Variants in APOL6 observed in about 807,000 individuals in gnomAD.
APOL6 encodes the protein apolipoprotein L6.
Under a neutral mutation model 2.4 loss-of-function variants are expected in APOL6, and 1 was observed. The ratio of observed to expected loss-of-function variants is 0.41; its 90% CI spans 0.15 to 1.94. The LOEUF (loss-of-function observed/expected upper bound fraction) is 1.94, where lower values mean the gene tolerates loss of function less well. APOL6 is among the 30% of genes most tolerant of loss of function. The probability of loss-of-function intolerance (pLI) is 0.30; values close to 1 mark genes in which losing one functional copy is unlikely to be tolerated. For synonymous variants in APOL6, 189 were observed against 169.3 expected (o/e 1.12, Z -0.90); for missense variants, 438 against 429.2 (o/e 1.02, Z -0.18).
rs150696717 is a variant in APOL6 at position 35,649,245 on chromosome 22, G to A, written c.-48+622G>A. Among the ~76,000 whole-genome samples the A allele has an allele frequency of 3.0e-4, 45 of 152,188 alleles. No individual in the cohort carries two copies. The Middle Eastern group carries it at 0.02, about 69-fold the overall frequency. ...GAGCCCAAGAGTTTGAGACCAGCAT[G>A]GGCAACATAGTGAGACCCCGTCTCT... On this transcript the variant is annotated intron_variant, in intron 1 of 2. Coordinates refer to ENST00000409652, the MANE Select transcript of APOL6 (RefSeq NM_030641.4).
chr22:35,650,984 T>C (rs1924674682), intron 1 of APOL6, among the ~76,000 whole-genome samples: 1 of 151,480 alleles, frequency 6.6e-6, no homozygotes, highest in Non-Finnish European at 1.5e-5. Flanking sequence ...CTTCAGAGTG[T>C]GTGAGGGAGG....
intron 1 of APOL6, among the ~76,000 whole-genome samples, chr22:35,651,581 C>T (rs111723393): frequency 5.3e-5 from 8 of 151,844 alleles, no homozygotes; most frequent in African/African-American, 7.3e-5. Flanking sequence ...CGGTGTGTGA[C>T]GTTCCCCTTC....
Position 35,659,506 on chromosome 22 carries a change from G to A in APOL6, c.942G>A (p.Glu314=). The A allele has an allele frequency of 6.2e-7, 1 of 1,614,168 alleles. No individual in the cohort carries two copies. The highest frequency in any genetic ancestry group is 8.5e-7 in the Non-Finnish European group (1 of 1,180,030). Residue 314 remains glutamate (E), a synonymous_variant, in exon 3 of 3, where the codon GAG becomes GAA. Transcript: ENST00000409652. ...ATTTAACTGGGACCTGCGAAACCGAGGCTTACTGGAAGGAGTTAAGGGAGC... is the reference window on the plus strand; with the variant it reads ...ATTTAACTGGGACCTGCGAAACCGAAGCTTACTGGAAGGAGTTAAGGGAGC... ...GKDLTGTCET[E]AYWKELREHV...
rs978240216 is a variant in APOL6, at chr22:35,662,665, G to A, written c.*3069G>A. 2 of 152,196 alleles carry A rather than the reference G, an allele frequency of 1.3e-5. No homozygotes were observed. Among genetic ancestry groups the A allele is most frequent in the Non-Finnish European group, 2.9e-5 (2 of 68,052 alleles). The allele number at this position is 152,196 out of a possible 1,614,324, so 9.4% of individuals were successfully genotyped here. ...TGTCATCAGGACTTCCTGAGTCTGT[G>A]TCACAGTGTGTCCTCAACCTTGGCA... is the stretch of plus-strand genomic sequence containing the variant. On this transcript the variant is annotated 3_prime_UTR_variant, in exon 3 of 3. Transcript: ENST00000409652.
At chr22:35,656,040 C>A (rs945406799) in intron 1 of APOL6, among the ~76,000 whole-genome samples, 7 of 152,094 alleles carry the variant, frequency 4.6e-5, no homozygotes, top group Non-Finnish European at 8.8e-5. Flanking sequence ...TGCTTTTAGG[C>A]AAATAGAGGG....
chr22:35,653,737 A>T (rs1029138972), intron 1 of APOL6, among the ~76,000 whole-genome samples: 1 of 152,146 alleles, frequency 6.6e-6, no homozygotes, highest in East Asian at 1.9e-4. Flanking sequence ...TTTTTTCCCT[A>T]CACCAAGCAA....
intron 1 of APOL6, among the ~76,000 whole-genome samples, chr22:35,654,563 T>C (rs201675172): frequency 9.9e-5 from 15 of 150,774 alleles, no homozygotes; most frequent in African/African-American, 2.9e-4. Context: ...TATGTATATA[T>C]ACACACACAC....
intron 2 of APOL6, 136 bp from the exon 3 acceptor site, chr22:35,658,479 C>T: frequency 2.6e-6 from 2 of 767,278 alleles, no homozygotes; most frequent in Admixed American, 2.9e-5. Flanking sequence ...CTCTACAATG[C>T]TCTAGGACTT....
chr22:35,657,698 C>T (rs7510709), intron 2 of APOL6, among the ~76,000 whole-genome samples: 1 of 152,132 alleles, frequency 6.6e-6, no homozygotes. Context: ...CCTCTCCAGG[C>T]CTCCCTCCAG....
chr22:35,657,524 C>A (rs779150109), intron 2 of APOL6, among the ~76,000 whole-genome samples: 3 of 152,092 alleles, frequency 2.0e-5, no homozygotes, highest in Non-Finnish European at 4.4e-5. Context: ...AATGAGGAGG[C>A]CCTGACATCA....
chr22:35,656,679 G>A lies in APOL6; in HGVS notation c.50+204G>A, dbSNP rs188375278. Among the ~76,000 whole-genome samples the A allele has an allele frequency of 4.3e-3, 651 of 152,304 alleles. 2 individuals carry two copies. Among genetic ancestry groups the A allele is most frequent in the Non-Finnish European group, 6.9e-3 (466 of 68,016 alleles). On this transcript the variant is annotated intron_variant, in intron 2 of 2. Transcript: ENST00000409652. The stretch of plus-strand genomic sequence containing the variant: ...GGAGCTAAAGTAAATATTTTGGAGA[G>A]CAAGTCAAGATTAAGTCAGGCGCAT...
chr22:35,659,429 T>A lies in APOL6; in HGVS notation c.865T>A (p.Tyr289Asn). The A allele has an allele frequency of 6.2e-7, 1 of 1,613,870 alleles. No homozygotes were observed. The highest frequency in any genetic ancestry group is 8.5e-7 in the Non-Finnish European group (1 of 1,179,996). The stretch of plus-strand genomic sequence containing the variant: ...GAAACTCACAGAACTCACCCAGCTC[T>A]ACAAGAGCTTGCAGCAGAAAGTGAG... ...ERKLTELTQL[Y>N]KSLQQKVRSR... is the part of the protein sequence containing the mutation. Residue 289 changes from tyrosine (Y) to asparagine (N), a missense_variant, in exon 3 of 3, where the codon TAC becomes AAC. Tyr to Asn is a moderately radical substitution (Grantham distance 143). Coordinates refer to ENST00000409652, the MANE Select transcript of APOL6 (RefSeq NM_030641.4).
Position 35,659,775 on chromosome 22 carries a change from G to GTTTA in APOL6, c.*182_*183insATTT. The GTTTA allele has an allele frequency of 9.0e-7, 1 of 1,109,728 alleles. No individual in the cohort carries two copies. Among genetic ancestry groups the GTTTA allele is most frequent in the South Asian group, 1.7e-5 (1 of 59,180 alleles). The allele number at this position is 1,109,728 out of a possible 1,614,324, so 68.7% of individuals were successfully genotyped here. ...TCCCTGTTTGTTTGTTTGTTTGTTTGTTTGTTTGTTTTGAGACAGGGTCTC... is the reference window on the plus strand; with the variant it reads ...TCCCTGTTTGTTTGTTTGTTTGTTTGTTTATTTGTTTGTTTTGAGACAGGGTCTC... On this transcript the variant is annotated 3_prime_UTR_variant, in exon 3 of 3. Coordinates refer to ENST00000409652, the MANE Select transcript of APOL6 (RefSeq NM_030641.4).
At chr22:35,655,343 G>T (rs1280591282) in intron 1 of APOL6, among the ~76,000 whole-genome samples, 1 of 152,026 alleles carries the variant, frequency 6.6e-6, no homozygotes. Context: ...CACTTACCCA[G>T]GTCAAGATGG....
At chr22:35,650,523 T>C (rs1409238344) in intron 1 of APOL6, among the ~76,000 whole-genome samples, 1 of 152,200 alleles carries the variant, frequency 6.6e-6, no homozygotes, top group African/African-American at 2.4e-5. Flanking sequence ...CATTTCCATA[T>C]GGTGAGCGTA....
At chr22:35,652,609 G>A (rs1374104393) in intron 1 of APOL6, among the ~76,000 whole-genome samples, 7 of 152,148 alleles carry the variant, frequency 4.6e-5, no homozygotes, top group Admixed American at 1.3e-4. Context: ...TCAGCTTTCT[G>A]CGTGTGGCTA....
At position 35,666,726 on chromosome 22, in the gene APOL6, A is replaced by G. The variant is rs907355299; in HGVS notation, c.*7130A>G. On this transcript the variant is annotated 3_prime_UTR_variant, in exon 3 of 3. Coordinates refer to ENST00000409652, the MANE Select transcript of APOL6 (RefSeq NM_030641.4). Reference sequence around the variant, plus strand: ...ATGGAGAGCTAAAATGTTCATGAGTATCAAGCAGAACAGGAATTAACTGCA... The same window carrying G: ...ATGGAGAGCTAAAATGTTCATGAGTGTCAAGCAGAACAGGAATTAACTGCA... 1.3e-5 allele frequency: 2 copies of G among 152,212 alleles called. No homozygotes were observed. The highest frequency in any genetic ancestry group is 4.8e-5 in the African/African-American group (2 of 41,458). The allele number at this position is 152,212 out of a possible 1,614,324, so 9.4% of individuals were successfully genotyped here.
intron 1 of APOL6, among the ~76,000 whole-genome samples, chr22:35,651,175 C>A (rs562733403): frequency 6.4e-4 from 98 of 152,218 alleles, no homozygotes; most frequent in Admixed American, 1.4e-3. Flanking sequence ...TCAGAAAGCA[C>A]CACAAACCAG....
intron 1 of APOL6, among the ~76,000 whole-genome samples, chr22:35,652,715 G>A (rs993503704): frequency 2.6e-4 from 40 of 152,018 alleles, no homozygotes; most frequent in African/African-American, 7.7e-4. Context: ...GTAGATATGC[G>A]GCATTATTTC....
Sources: gnomAD v4.1 joint callset for allele counts (sites outside exome capture counted in the v4.1 genomes callset) on GRCh38, gnomAD v4.1.1 for gene constraint, MANE v1.5 for transcripts, NCBI Gene and HGNC (gene_info 2026-07-23, HGNC 2026-07-21) for gene names.